Variants in OSBPL9 observed in about 807,000 individuals in gnomAD.
The protein encoded by OSBPL9 is oxysterol-binding protein-related protein 9.
A neutral mutation model predicts 106.6 loss-of-function variants in OSBPL9; 40 were observed. That is an observed-to-expected ratio of 0.38 (90% CI 0.29 to 0.49). The LOEUF (loss-of-function observed/expected upper bound fraction) is 0.49. OSBPL9 is among the 20% of genes least tolerant of loss of function. OSBPL9 has a pLI of 0.97. For synonymous variants in OSBPL9, 269 were observed against 295.4 expected (o/e 0.91, Z 0.92); for missense variants, 609 against 887.2 (o/e 0.69, Z 3.98).
chr1:51,775,990 T>C (rs1232783274), intron 14 of OSBPL9, among the ~76,000 whole-genome samples: 2 of 152,314 alleles, frequency 1.3e-5, no homozygotes, highest in South Asian at 2.1e-4. Flanking sequence ...TTTTGCTTAC[T>C]CTGGGGTGTT....
intron 2 of OSBPL9, among the ~76,000 whole-genome samples, chr1:51,604,684 C>A (rs951918865): frequency 6.6e-6 from 1 of 152,098 alleles, no homozygotes; most frequent in African/African-American, 2.4e-5. Context: ...GATGGAGTCT[C>A]GCTCTTTCTC....
At chr1:51,736,079 C>T (rs1290010640) in intron 4 of OSBPL9, among the ~76,000 whole-genome samples, 1 of 152,102 alleles carries the variant, frequency 6.6e-6, no homozygotes, top group African/African-American at 2.4e-5. Context: ...GGGCACATTG[C>T]AGAATTCCTT....
At chr1:51,695,582 T>C (rs1655847178) in intron 3 of OSBPL9, among the ~76,000 whole-genome samples, 1 of 152,208 alleles carries the variant, frequency 6.6e-6, no homozygotes, top group Non-Finnish European at 1.5e-5. Flanking sequence ...AAGTTTATAT[T>C]GTTATTCCTT....
intron 3 of OSBPL9, among the ~76,000 whole-genome samples, chr1:51,712,598 A>G (rs1660294308): frequency 6.6e-6 from 1 of 152,008 alleles, no homozygotes; most frequent in African/African-American, 2.4e-5. Context: ...TCACTTTTGG[A>G]ATTTATATTT....
At chr1:51,642,922 A>G (rs559272340) in intron 1 of OSBPL9, among the ~76,000 whole-genome samples, 72 of 152,358 alleles carry the variant, frequency 4.7e-4, no homozygotes, top group South Asian at 3.9e-3. Context: ...TGAGAAATCC[A>G]TGGACATTTT....
At chr1:51,598,810 A>T (rs553264395) in intron 2 of OSBPL9, among the ~76,000 whole-genome samples, 1 of 152,192 alleles carries the variant, frequency 6.6e-6, no homozygotes, top group South Asian at 2.1e-4. Flanking sequence ...CCTGGCCAAC[A>T]TGGCGAAACC....
At chr1:51,724,561 GGT>G (rs1444748473) in intron 4 of OSBPL9, among the ~76,000 whole-genome samples, 1 of 152,176 alleles carries the variant, frequency 6.6e-6, no homozygotes, top group Non-Finnish European at 1.5e-5. Context: ...TGGGATTACA[GGT>G]GTGAGCTACC....
intron 1 of OSBPL9, among the ~76,000 whole-genome samples, chr1:51,618,298 C>T (rs1396465628): frequency 6.6e-6 from 1 of 152,106 alleles, no homozygotes; most frequent in Non-Finnish European, 1.5e-5. Flanking sequence ...GGATTACAGA[C>T]GTGAGCCACC....
Position 51,729,867 on chromosome 1 carries a change from G to A in OSBPL9, c.319-15669G>A. On this transcript the variant is annotated intron_variant, in intron 4 of 23. Coordinates refer to ENST00000428468, the MANE Select transcript of OSBPL9 (RefSeq NM_024586.6). The surrounding 1 kb of genome is among the most constrained non-coding windows in gnomAD (Gnocchi z 5.1). ...GACGGGCTGAACCTCAGTCAGGACC[G>A]CCTGCACCGCAGTCCGGGGATCGGG... 1 of 1,251,006 alleles carries A rather than the reference G, an allele frequency of 8.0e-7. No individual in the cohort carries two copies. Among genetic ancestry groups the A allele is most frequent in the Middle Eastern group, 2.7e-4 (1 of 3,710 alleles). 77.5% of individuals were successfully genotyped at this position (1,251,006 alleles called of 1,614,324 possible).
Position 51,729,771 on chromosome 1 carries a change from G to A in OSBPL9, c.318+15692G>A, listed in dbSNP as rs1663886809. On this transcript the variant is annotated intron_variant, in intron 4 of 23. Coordinates refer to ENST00000428468, the MANE Select transcript of OSBPL9 (RefSeq NM_024586.6). The surrounding 1 kb of genome is among the most constrained non-coding windows in gnomAD (Gnocchi z 5.1). ...GGAGCCGCCAGGGCCAGCCAATCGGGGCGACCCCTCCGCCGGGGAGGGGAC... is the reference window on the plus strand; with the variant it reads ...GGAGCCGCCAGGGCCAGCCAATCGGAGCGACCCCTCCGCCGGGGAGGGGAC... 3 of 1,209,870 alleles carry A rather than the reference G, an allele frequency of 2.5e-6. No individual in the cohort carries two copies. The highest frequency in any genetic ancestry group is 4.4e-5 in the South Asian group (1 of 22,948). The allele number at this position is 1,209,870 out of a possible 1,614,324, so 74.9% of individuals were successfully genotyped here. A position where few individuals can be genotyped will look rare whatever the true frequency, so the allele number is the denominator to read the frequency against.
intron 6 of OSBPL9, 62 bp downstream of exon 6, chr1:51,746,819 T>C: frequency 7.5e-7 from 1 of 1,338,238 alleles, no homozygotes; most frequent in Non-Finnish European, 1.1e-6. Flanking sequence ...TGGAGAACAC[T>C]AAGTATCTTA....
At chr1:51,745,845 T>C (rs1423828159) in intron 5 of OSBPL9, among the ~76,000 whole-genome samples, 2 of 151,910 alleles carry the variant, frequency 1.3e-5, no homozygotes, top group Non-Finnish European at 2.9e-5. Flanking sequence ...GCTTTTTTGG[T>C]CATTAAGAAA....
At chr1:51,590,717 G>A in intron 1 of OSBPL9, among the ~76,000 whole-genome samples, 1 of 151,150 alleles carries the variant, frequency 6.6e-6, no homozygotes, top group East Asian at 1.9e-4. Context: ...ATTAAATAAA[G>A]AAGATGAGGG....
intron 4 of OSBPL9, among the ~76,000 whole-genome samples, chr1:51,743,046 A>G (rs1439338856): frequency 6.6e-6 from 1 of 152,208 alleles, no homozygotes; most frequent in African/African-American, 2.4e-5. Flanking sequence ...GATTTGAGAA[A>G]ACACTTGTTA....
intron 4 of OSBPL9, among the ~76,000 whole-genome samples, chr1:51,714,350 T>A (rs1025855956): frequency 6.6e-5 from 10 of 152,222 alleles, no homozygotes; most frequent in Non-Finnish European, 8.8e-5. Context: ...ATGCCAGATT[T>A]ATTTTAAGAA....
intron 2 of OSBPL9, among the ~76,000 whole-genome samples, chr1:51,610,230 A>G (rs557837641): frequency 1.3e-5 from 2 of 151,922 alleles, no homozygotes; most frequent in South Asian, 2.1e-4. Context: ...GAAACTCTCA[A>G]AAAGGAACTG....
chr1:51,760,503 C>G, intron 9 of OSBPL9, 187 bp from the exon 10 acceptor site: 1 of 700,348 alleles, frequency 1.4e-6, no homozygotes, highest in Non-Finnish European at 2.1e-6. Context: ...ATTGTCTTTC[C>G]TTACTATGCT....
intron 3 of OSBPL9, among the ~76,000 whole-genome samples, chr1:51,673,280 A>T (rs1267095650): frequency 4.6e-5 from 7 of 152,234 alleles, no homozygotes; most frequent in Admixed American, 2.6e-4. Flanking sequence ...AGGATTTAAT[A>T]CTGAGAAGTT....
At chr1:51,525,303 T>A in the OSBPL9 span, among the ~76,000 whole-genome samples, 1 of 152,226 alleles carries the variant, frequency 6.6e-6, no homozygotes, top group East Asian at 1.9e-4. Flanking sequence ...AGTTAAATTA[T>A]GTAACTAGTG....
Sources: gnomAD v4.1 joint callset for allele counts (sites outside exome capture counted in the v4.1 genomes callset) on GRCh38, gnomAD v4.1.1 for gene constraint, Gnocchi (gnomAD v3.1) non-coding constraint, MANE v1.5 for transcripts, NCBI Gene and HGNC (gene_info 2026-07-23, HGNC 2026-07-21) for gene names.